Variants in DLL4 observed in about 807,000 individuals in gnomAD.
DLL4 encodes the protein delta like canonical Notch ligand 4.
A neutral mutation model predicts 73.6 loss-of-function variants in DLL4; 7 were observed. The ratio of observed to expected loss-of-function variants is 0.10; its 90% CI spans 0.05 to 0.18. DLL4 has a LOEUF of 0.18. DLL4 is among the 10% of genes least tolerant of loss of function. The pLI is 1.00. For missense variants in DLL4, 614 were observed against 929.9 expected (o/e 0.66, Z 4.42); for synonymous variants, 345 against 374.3 (o/e 0.92, Z 0.90).
At position 40,929,489 on chromosome 15, in the gene DLL4, C is replaced by A; in HGVS notation, c.-180C>A. ...GGCGCGGTCGCCGCCCAGCCGTAGT[C>A]ACCTGGATTACCTACAGCGGCAGCT... On this transcript the variant is annotated 5_prime_UTR_variant, in exon 1 of 11. Coordinates refer to ENST00000249749, the MANE Select transcript of DLL4 (RefSeq NM_019074.4). This position sits in a 1 kb window ranked among gnomAD's most constrained non-coding sequence, Gnocchi z 7.1. 1.6e-6 allele frequency: 1 copy of A among 606,682 alleles called. No homozygotes were observed. The highest frequency in any genetic ancestry group is 2.8e-6 in the Non-Finnish European group (1 of 361,950). 37.6% of individuals were successfully genotyped at this position (606,682 alleles called of 1,614,324 possible).
rs146783185 is a variant in DLL4, at chr15:40,934,011, G to A, written c.851-537G>A. Among the ~76,000 whole-genome samples the A allele has an allele frequency of 2.9e-3, 260 of 89,398 alleles. 1 individual carries two copies. Among genetic ancestry groups the A allele is most frequent in the African/African-American group, 0.012 (248 of 21,096 alleles). 58.6% of individuals were successfully genotyped at this position (89,398 alleles called of 152,430 possible). On this transcript the variant is annotated intron_variant, in intron 6 of 10. Coordinates refer to ENST00000249749, the MANE Select transcript of DLL4 (RefSeq NM_019074.4). The stretch of plus-strand genomic sequence containing the variant: ...AGCCTGAGTGACAGAGCAAGACTCC[G>A]TCTCAAAAAAAAAAAAAAAAAAAAA...
chr15:40,931,826 A>C (rs1284835634), intron 4 of DLL4, 60 bp downstream of exon 4: 1 of 1,592,084 alleles, frequency 6.3e-7, no homozygotes, highest in Non-Finnish European at 8.6e-7. Context: ...AACACAGTGG[A>C]GCTTCTTGGT....
chr15:40,936,842 C>G lies in DLL4; in HGVS notation c.1855C>G (p.Pro619Ala). Reference sequence around the variant, plus strand: ...CCACACATTGGACTATAATCTGGCCCCAGGGCCCCTGGGGCGGGGGACCAT... The same window carrying G: ...CCACACATTGGACTATAATCTGGCCGCAGGGCCCCTGGGGCGGGGGACCAT... ...QNHTLDYNLA[P>A]GPLGRGTMPG... is the part of the protein sequence containing the mutation. Residue 619 changes from proline (P) to alanine (A), a missense_variant, in exon 9 of 11, where the codon CCA (proline) becomes GCA (alanine). This residue lies in a region of DLL4 where 386 missense variants were observed against 541.3 expected (regional missense o/e 0.71). Coordinates refer to ENST00000249749, the MANE Select transcript of DLL4 (RefSeq NM_019074.4). 1 of 1,613,404 alleles carries G rather than the reference C, an allele frequency of 6.2e-7. No homozygotes were observed. Among genetic ancestry groups the G allele is most frequent in the Non-Finnish European group, 8.5e-7 (1 of 1,179,878 alleles).
rs1410937412 is a variant in DLL4 at position 40,932,409 on chromosome 15, C to T, written c.812C>T (p.Thr271Ile). Residue 271 changes from threonine (T) to isoleucine (I), a missense_variant, in exon 6 of 11, where the codon ACT becomes ATT. By Grantham distance (89) the Thr-to-Ile change is moderately conservative. Around this residue, in one of 3 missense-constraint regions of DLL4, gnomAD observed 227 missense variants for 370.8 expected, o/e 0.61. Transcript: ENST00000249749. ...ACCTGCAGCACTCCCTGGCAATGTA[C>T]TTGTGATGAGGGCTGGGGAGGCCTG... ...HGTCSTPWQC[T>I]CDEGWGGLFC... The T allele has an allele frequency of 1.2e-6, 2 of 1,613,998 alleles. No homozygotes were observed. The highest frequency in any genetic ancestry group is 2.2e-5 in the South Asian group (2 of 91,090).
Position 40,929,348 on chromosome 15 carries a change from C to G in DLL4, c.-321C>G. 2.5e-6 allele frequency: 1 copy of G among 400,102 alleles called. No individual in the cohort carries two copies. Among genetic ancestry groups the G allele is most frequent in the Non-Finnish European group, 4.4e-6 (1 of 226,248 alleles). The allele number at this position is 400,102 out of a possible 1,614,324, so 24.8% of individuals were successfully genotyped here. A position where few individuals can be genotyped will look rare whatever the true frequency, so the allele number is the denominator to read the frequency against. On this transcript the variant is annotated 5_prime_UTR_variant, in exon 1 of 11. Transcript: ENST00000249749. This position sits in a 1 kb window ranked among gnomAD's most constrained non-coding sequence, Gnocchi z 7.1. ...CCCAGCGCGCAGGTTTCAGTAGCGG[C>G]GCTGCGCGCAGGCCGGGAACACGAG...
intron 10 of DLL4, 80 bp from the exon 11 acceptor site, chr15:40,937,949 C>A: frequency 1.3e-6 from 2 of 1,563,536 alleles, no homozygotes; most frequent in South Asian, 2.3e-5. Flanking sequence ...ATCGCCTTCT[C>A]CCAGGGAGGC....
Position 40,930,183 on chromosome 15 carries a change from C to T in DLL4, c.336+67C>T, listed in dbSNP as rs902121473. On this transcript the variant is annotated intron_variant, in intron 2 of 10. Coordinates refer to ENST00000249749, the MANE Select transcript of DLL4 (RefSeq NM_019074.4). The surrounding 1 kb of genome is among the most constrained non-coding windows in gnomAD (Gnocchi z 5.7). ...GAGAGGAGGCGCCCTGGGACCAAAG[C>T]CCCCTCCCCAGATTTCCTTGTACAC... The T allele has an allele frequency of 4.7e-5, 72 of 1,542,864 alleles. No homozygotes were observed. The highest frequency in any genetic ancestry group is 6.0e-5 in the Non-Finnish European group (68 of 1,142,530).
In DLL4 at chr15:40,937,481, G is replaced by A; in HGVS notation, c.2007G>A (p.Val669=). The change falls in exon 10 of 11, where the codon GTG becomes GTA. Residue 669 remains valine, a synonymous_variant. Transcript: ENST00000249749. ...CSPRDSMYQS[V]CLISEERNEC... Reference sequence around the variant, plus strand: ...CCAGGGACTCCATGTACCAGTCTGTGTGTTTGATATCAGAGGAGAGGAATG... The same window carrying A: ...CCAGGGACTCCATGTACCAGTCTGTATGTTTGATATCAGAGGAGAGGAATG... 1.2e-6 allele frequency: 2 copies of A among 1,613,916 alleles called. No individual in the cohort carries two copies. The highest frequency in any genetic ancestry group is 1.7e-6 in the Non-Finnish European group (2 of 1,179,766).
In DLL4 at chr15:40,929,340, A is replaced by G. The variant is rs1010636845; in HGVS notation, c.-329A>G. 3 of 387,360 alleles carry G rather than the reference A, an allele frequency of 7.7e-6. No homozygotes were observed. The highest frequency in any genetic ancestry group is 2.1e-5 in the African/African-American group (1 of 47,914). 24.0% of individuals were successfully genotyped at this position (387,360 alleles called of 1,614,324 possible). A position where few individuals can be genotyped will look rare whatever the true frequency, so the allele number is the denominator to read the frequency against. On this transcript the variant is annotated 5_prime_UTR_variant, in exon 1 of 11. Coordinates refer to ENST00000249749, the MANE Select transcript of DLL4 (RefSeq NM_019074.4). This position sits in a 1 kb window ranked among gnomAD's most constrained non-coding sequence, Gnocchi z 7.1. ...GGAAGGCCCCCAGCGCGCAGGTTTC[A>G]GTAGCGGCGCTGCGCGCAGGCCGGG...
At chr15:40,937,369 C>T (rs1221409507) in intron 9 of DLL4, 49 bp from the exon 10 acceptor site, 8 of 1,362,334 alleles carry the variant, frequency 5.9e-6, no homozygotes, top group Non-Finnish European at 8.4e-6. Context: ...TCCCTCCCCC[C>T]AAGCCTCTCC....
intron 10 of DLL4, 46 bp downstream of exon 10, chr15:40,937,572 A>G (rs765112563): frequency 2.1e-6 from 3 of 1,395,390 alleles, no homozygotes; most frequent in Non-Finnish European, 3.1e-6. Flanking sequence ...TGGGAGGGAA[A>G]GTGGCCTGGT....
chr15:40,931,868 G>A, intron 4 of DLL4, 102 bp downstream of exon 4: 1 of 1,446,812 alleles, frequency 6.9e-7, no homozygotes, highest in Non-Finnish European at 9.4e-7. Context: ...AGTGGGTCTG[G>A]GCCTCCTACT....
intron 8 of DLL4, 90 bp downstream of exon 8, chr15:40,935,207 T>A (rs897416173): frequency 1.8e-4 from 225 of 1,272,228 alleles, no homozygotes; most frequent in Non-Finnish European, 2.3e-4. Context: ...GAGCGAGGCA[T>A]TGTCTGCCAC....
chr15:40,931,383 T>C, intron 3 of DLL4, 120 bp from the exon 4 acceptor site: 2 of 1,271,850 alleles, frequency 1.6e-6, no homozygotes, highest in South Asian at 2.9e-5. Context: ...GTCATCTGGA[T>C]AACTGGGCTG....
Position 40,936,823 on chromosome 15 carries a change from A to C in DLL4, c.1836A>C (p.Thr612=), listed in dbSNP as rs757866420. The change falls in exon 9 of 11, where the codon ACA becomes ACC. Residue 612 remains threonine (T), a synonymous_variant. Coordinates refer to ENST00000249749, the MANE Select transcript of DLL4 (RefSeq NM_019074.4). ...ACTGTGGCAAACAGCAAAACCACAC[A>C]TTGGACTATAATCTGGCCCCAGGGC... ...KSNCGKQQNH[T]LDYNLAPGPL... 15 of 1,613,488 alleles carry C rather than the reference A, an allele frequency of 9.3e-6. No individual in the cohort carries two copies. The African/African-American group carries it at 1.9e-4, about 20-fold the overall frequency.
Position 40,930,483 on chromosome 15 carries a change from T to G in DLL4, c.337-142T>G. 1.3e-6 allele frequency: 1 copy of G among 745,122 alleles called. No individual in the cohort carries two copies. The highest frequency in any genetic ancestry group is 2.1e-5 in the Admixed American group (1 of 46,704). 46.2% of individuals were successfully genotyped at this position (745,122 alleles called of 1,614,324 possible). A position where few individuals can be genotyped will look rare whatever the true frequency, so the allele number is the denominator to read the frequency against. On this transcript the variant is annotated intron_variant, in intron 2 of 10. Transcript: ENST00000249749. This position sits in a 1 kb window ranked among gnomAD's most constrained non-coding sequence, Gnocchi z 5.7. ...CGCCTTCCCTGCTCAAGCGCTACAC[T>G]GTGCACAGCCCCGTTATGTTGACCC...
intron 7 of DLL4, 36 bp from the exon 8 acceptor site, chr15:40,934,862 G>C (rs369991963): frequency 1.2e-6 from 2 of 1,603,688 alleles, no homozygotes; most frequent in Non-Finnish European, 1.7e-6. Flanking sequence ...CTGCCCCCCA[G>C]GGTCTGACTT....
At chr15:40,936,074 AC>A (rs146329411) in intron 8 of DLL4, among the ~76,000 whole-genome samples, 153 bp from the exon 9 acceptor site, 14 of 152,222 alleles carry the variant, frequency 9.2e-5, no homozygotes, top group Non-Finnish European at 1.8e-4. Flanking sequence ...GTCATGCTAA[AC>A]TCCAGGTCTC....
chr15:40,936,182 G>A (rs962595544), intron 8 of DLL4, 46 bp from the exon 9 acceptor site: 1 of 1,484,728 alleles, frequency 6.7e-7, no homozygotes, highest in Non-Finnish European at 9.0e-7. Context: ...CCTGCCCCAG[G>A]GAGCTCCCAG....
Sources: allele counts gnomAD v4.1 joint callset (sites outside exome capture counted in the v4.1 genomes callset), GRCh38; gene constraint gnomAD v4.1.1; regional missense constraint gnomAD v4.1.1; non-coding constraint Gnocchi (gnomAD v3.1); transcripts MANE v1.5; gene names NCBI Gene and HGNC (gene_info 2026-07-23, HGNC 2026-07-21).